Variants in F13A1 observed in about 807,000 individuals in gnomAD.
The protein encoded by F13A1 is FSF, A subunit.
A neutral mutation model predicts 80.1 loss-of-function variants in F13A1; 47 were observed. The observed-to-expected ratio is 0.59, with a 90% confidence interval of 0.46 to 0.75. The LOEUF is 0.75. Among genes scored for constraint, F13A1 ranks in the 30% least tolerant of loss-of-function variants. The probability of loss-of-function intolerance (pLI) is 0.00; values close to 1 mark genes in which losing one functional copy is unlikely to be tolerated. For missense variants in F13A1, 817 were observed against 930.4 expected (o/e 0.88, Z 1.59); for synonymous variants, 349 against 344.9 (o/e 1.01, Z -0.13).
intron 10 of F13A1, 41 bp downstream of exon 10, chr6:6,195,756 T>C (rs1389301150): frequency 1.3e-6 from 2 of 1,565,336 alleles, no homozygotes; most frequent in Middle Eastern, 1.7e-4. Context: ...TGTTAAGAGG[T>C]TGGGGAGAAA....
At chr6:6,274,742 G>T (rs1289101714) in intron 3 of F13A1, among the ~76,000 whole-genome samples, 1 of 152,216 alleles carries the variant, frequency 6.6e-6, no homozygotes, top group Non-Finnish European at 1.5e-5. Context: ...TGGAAACCCA[G>T]AGGAGGAAGT....
In F13A1 at chr6:6,197,340, A is replaced by G. The variant is rs754580518; in HGVS notation, c.1113-14T>C. On this transcript the variant is annotated splice_polypyrimidine_tract_variant and intron_variant, in intron 8 of 14. Transcript: ENST00000264870. ...CAGTGGTAGTTCCTTAGAAAACACA[A>G]GCCCAGAAAGGTTAAACTTCCCATC... 5.0e-6 allele frequency: 8 copies of G among 1,612,014 alleles called. No individual in the cohort carries two copies. The highest frequency in any genetic ancestry group is 1.7e-6 in the Non-Finnish European group (2 of 1,178,266).
chr6:6,202,841 C>T (rs543112250), intron 8 of F13A1, among the ~76,000 whole-genome samples: 1 of 152,186 alleles, frequency 6.6e-6, no homozygotes, highest in African/African-American at 2.4e-5. Context: ...GCTAATAATT[C>T]AGCAGTATTG....
chr6:6,147,799 T>C (rs762543632), intron 14 of F13A1, among the ~76,000 whole-genome samples: 1 of 152,246 alleles, frequency 6.6e-6, no homozygotes, highest in Non-Finnish European at 1.5e-5. Context: ...TACATGAAGA[T>C]ACGTATGCAT....
At chr6:6,314,785 T>G (rs943146852) in intron 2 of F13A1, among the ~76,000 whole-genome samples, 1 of 152,232 alleles carries the variant, frequency 6.6e-6, no homozygotes, top group African/African-American at 2.4e-5. Flanking sequence ...GACACATATG[T>G]GAAAACCAGT....
intron 2 of F13A1, 64 bp from the exon 3 acceptor site, chr6:6,305,603 CA>C: frequency 1.9e-6 from 3 of 1,543,214 alleles, no homozygotes; most frequent in Non-Finnish European, 2.7e-6. Flanking sequence ...AACATAAACT[CA>C]AAAACAAGAT....
chr6:6,198,863 GC>G (rs1410418921), intron 8 of F13A1, among the ~76,000 whole-genome samples: 12 of 152,178 alleles, frequency 7.9e-5, no homozygotes, highest in African/African-American at 2.9e-4. Flanking sequence ...GATTTGGGGT[GC>G]CATGGAGTCT....
At chr6:6,148,567 T>C (rs1760323717) in intron 14 of F13A1, among the ~76,000 whole-genome samples, 1 of 152,196 alleles carries the variant, frequency 6.6e-6, no homozygotes, top group Non-Finnish European at 1.5e-5. Flanking sequence ...AGTTGTTACA[T>C]GGATCTGGCG....
chr6:6,182,244 A>C, intron 10 of F13A1, 103 bp from the exon 11 acceptor site: 1 of 1,277,786 alleles, frequency 7.8e-7, no homozygotes, highest in Admixed American at 1.8e-5. Context: ...TGGAGCTGAC[A>C]TGCCCCTTTC....
intron 3 of F13A1, among the ~76,000 whole-genome samples, chr6:6,294,940 T>C (rs1281063266): frequency 7.5e-6 from 1 of 133,866 alleles, no homozygotes; most frequent in African/African-American, 2.8e-5. Flanking sequence ...TTCCCCTTCC[T>C]GTGTCCATGT....
chr6:6,197,130 A>G (rs1761304692), intron 9 of F13A1, 93 bp downstream of exon 9: 3 of 1,185,774 alleles, frequency 2.5e-6, no homozygotes, highest in Non-Finnish European at 3.7e-6. Flanking sequence ...GTTGCCTCCC[A>G]ATGGGCGTGG....
chr6:6,167,344 TTTGA>T, intron 13 of F13A1, 110 bp downstream of exon 13: 3 of 851,966 alleles, frequency 3.5e-6, no homozygotes, highest in Non-Finnish European at 5.0e-6. Flanking sequence ...TTTTTTTTTT[TTTGA>T]GCAGGACATT....
At chr6:6,150,071 T>C (rs932411716) in intron 14 of F13A1, among the ~76,000 whole-genome samples, 2 of 152,200 alleles carry the variant, frequency 1.3e-5, no homozygotes, top group African/African-American at 4.8e-5. Flanking sequence ...TTTCATGTGT[T>C]GGCCTTGACC....
At chr6:6,279,250 G>C (rs1209430954) in intron 3 of F13A1, among the ~76,000 whole-genome samples, 1 of 152,066 alleles carries the variant, frequency 6.6e-6, no homozygotes, top group Non-Finnish European at 1.5e-5. Flanking sequence ...TCCTTGGCAT[G>C]AGTTTAAACA....
intron 3 of F13A1, 109 bp downstream of exon 3, chr6:6,305,242 T>A: frequency 8.1e-7 from 1 of 1,229,222 alleles, no homozygotes; most frequent in South Asian, 1.2e-5. Flanking sequence ...TTCCAGCTCC[T>A]GCCACTGTTG....
At chr6:6,207,902 A>G (rs1013387279) in intron 8 of F13A1, among the ~76,000 whole-genome samples, 2 of 152,228 alleles carry the variant, frequency 1.3e-5, no homozygotes, top group Non-Finnish European at 2.9e-5. Flanking sequence ...AACAACAACA[A>G]CAGCAAACAT....
At chr6:6,196,429 T>C (rs1442678298) in intron 9 of F13A1, among the ~76,000 whole-genome samples, 1 of 152,218 alleles carries the variant, frequency 6.6e-6, no homozygotes, top group African/African-American at 2.4e-5. Flanking sequence ...ATATAGTTAA[T>C]AAGAGATTAG....
At chr6:6,305,101 T>C in intron 3 of F13A1, 1 of 541,736 alleles carries the variant, frequency 1.8e-6, no homozygotes, top group Non-Finnish European at 3.3e-6. Flanking sequence ...AATAATTTAG[T>C]TAAGCAACAC....
chr6:6,285,676 G>C (rs1056371706), intron 3 of F13A1, among the ~76,000 whole-genome samples: 1 of 152,180 alleles, frequency 6.6e-6, no homozygotes, highest in African/African-American at 2.4e-5. Context: ...GGGAGGAGAG[G>C]GCTTCCCCCA....
Sources: gnomAD v4.1 joint callset for allele counts (sites outside exome capture counted in the v4.1 genomes callset) on GRCh38, gnomAD v4.1.1 for gene constraint, MANE v1.5 for transcripts, NCBI Gene and HGNC (gene_info 2026-07-23, HGNC 2026-07-21) for gene names.